PAX8: variants seen among roughly 807,000 people sequenced by gnomAD.
PAX8 encodes the protein paired box protein Pax-8.
A neutral mutation model predicts 52.4 loss-of-function variants in PAX8; 15 were observed. The ratio of observed to expected loss-of-function variants is 0.29; its 90% CI spans 0.19 to 0.44. The LOEUF is 0.44. PAX8 is among the 20% of genes least tolerant of loss of function. The pLI is 1.00. For synonymous variants in PAX8, 284 were observed against 249.7 expected (o/e 1.14, Z -1.29); for missense variants, 554 against 602.5 (o/e 0.92, Z 0.84).
intron 2 of PAX8, among the ~76,000 whole-genome samples, chr2:113,250,172 C>T (rs1190610146): frequency 6.8e-6 from 1 of 148,004 alleles, no homozygotes; most frequent in Admixed American, 7.0e-5. Flanking sequence ...GAGGCTGAGG[C>T]AGGAGAATGG....
At chr2:113,277,696 C>G (rs1177341107) in intron 2 of PAX8, among the ~76,000 whole-genome samples, 5 of 152,226 alleles carry the variant, frequency 3.3e-5, no homozygotes, top group African/African-American at 7.2e-5. Flanking sequence ...AAACAGGCAT[C>G]GCGGCCTGGG....
chr2:113,246,857 C>T lies in PAX8; in HGVS notation c.88G>A (p.Val30Ile), dbSNP rs765091370. The change falls in exon 3 of 12, where the codon GTC (valine) becomes ATC (isoleucine). Residue 30 changes from valine to isoleucine, a missense_variant. Val to Ile is a conservative substitution (Grantham distance 29). Coordinates refer to ENST00000429538, the MANE Select transcript of PAX8 (RefSeq NM_003466.4). Reference sequence around the variant, plus strand: ...GCCAGGTCTACGATGCGCTGGCGGACCACTTCCGGCAGAGGTCTGCCATTC... The same window carrying T: ...GCCAGGTCTACGATGCGCTGGCGGATCACTTCCGGCAGAGGTCTGCCATTC... Reference protein sequence around the residue: ...FVNGRPLPEVVRQRIVDLAHQ... With the variant: ...FVNGRPLPEVIRQRIVDLAHQ... The T allele has an allele frequency of 3.1e-6, 5 of 1,614,234 alleles. No homozygotes were observed. Among genetic ancestry groups the T allele is most frequent in the Non-Finnish European group, 4.2e-6 (5 of 1,180,016 alleles).
chr2:113,244,741 A>G, intron 3 of PAX8, 117 bp from the exon 4 acceptor site: 1 of 930,654 alleles, frequency 1.1e-6, no homozygotes, highest in Non-Finnish European at 1.7e-6. Flanking sequence ...TGAGAGTGAA[A>G]TGTGCCTCCA....
rs76678068 is a variant in PAX8 at position 113,220,305 on chromosome 2, C to T, written c.1190-127G>A. 3,829 of 706,712 alleles carry T rather than the reference C, an allele frequency of 5.4e-3. 111 individuals carry two copies. The African/African-American group carries it at 0.06, about 11-fold the overall frequency. 43.8% of individuals were successfully genotyped at this position (706,712 alleles called of 1,614,324 possible). On this transcript the variant is annotated intron_variant, in intron 10 of 11. Coordinates refer to ENST00000429538, the MANE Select transcript of PAX8 (RefSeq NM_003466.4). Reference sequence around the variant, plus strand: ...ATGGTTGGGGAGACAGTTGGAGCCACGGCAGGGACAATGGAGCTCAGAAGG... The same window carrying T: ...ATGGTTGGGGAGACAGTTGGAGCCATGGCAGGGACAATGGAGCTCAGAAGG...
intron 10 of PAX8, chr2:113,220,440 C>A: frequency 2.3e-6 from 1 of 431,376 alleles, no homozygotes; most frequent in Non-Finnish European, 4.2e-6. Flanking sequence ...TCCCAGGAGG[C>A]CCAGAAGGTA....
chr2:113,275,308 G>A (rs1340246366), intron 2 of PAX8: 2 of 152,098 alleles, frequency 1.3e-5, no homozygotes, highest in African/African-American at 4.8e-5. Flanking sequence ...GTGGAGGGTG[G>A]GGGGGAACCA....
intron 9 of PAX8, among the ~76,000 whole-genome samples, chr2:113,234,246 T>C (rs548712271): frequency 2.7e-4 from 41 of 152,338 alleles, no homozygotes; most frequent in Non-Finnish European, 4.4e-4. Flanking sequence ...TTTCACTGCA[T>C]CTCAGGCCCT....
intron 10 of PAX8, among the ~76,000 whole-genome samples, chr2:113,221,073 C>T (rs7578633): frequency 0.35 from 53,437 of 151,932 alleles, 9,523 homozygotes; most frequent in South Asian, 0.44. Flanking sequence ...ATCTTTTATT[C>T]TCAAGACTAC....
intron 3 of PAX8, among the ~76,000 whole-genome samples, chr2:113,244,907 C>G (rs1054176739): frequency 6.6e-6 from 1 of 152,166 alleles, no homozygotes; most frequent in African/African-American, 2.4e-5. Flanking sequence ...CTAGCATCTG[C>G]AACAGCCATT....
At chr2:113,238,493 T>G (rs1400138788) in intron 7 of PAX8, 1 of 152,658 alleles carries the variant, frequency 6.6e-6, no homozygotes, top group African/African-American at 2.4e-5. Context: ...TATAGCTATT[T>G]CAAAATCCAA....
chr2:113,242,243 G>A, intron 5 of PAX8, 113 bp from the exon 6 acceptor site: 1 of 849,438 alleles, frequency 1.2e-6, no homozygotes, highest in Non-Finnish European at 1.9e-6. Flanking sequence ...GGGGGAGAGG[G>A]AGAGGAGCAA....
intron 8 of PAX8, chr2:113,235,831 T>C (rs1186191996): frequency 9.9e-6 from 5 of 506,478 alleles, no homozygotes; most frequent in South Asian, 5.4e-5. Context: ...TGCGCCCGCC[T>C]CTCCCACAGG....
intron 2 of PAX8, chr2:113,274,345 G>A (rs1693664769): frequency 6.6e-6 from 1 of 152,038 alleles, no homozygotes; most frequent in Non-Finnish European, 1.5e-5. Flanking sequence ...GTATCCCTTG[G>A]TGGTTAGGGG....
intron 10 of PAX8, among the ~76,000 whole-genome samples, chr2:113,224,096 G>C (rs1476404394): frequency 6.6e-6 from 1 of 152,178 alleles, no homozygotes; most frequent in East Asian, 1.9e-4. Flanking sequence ...GTGGAAGAAT[G>C]GATGATGAAA....
intron 2 of PAX8, among the ~76,000 whole-genome samples, chr2:113,252,627 A>G (rs1012453794): frequency 3.3e-5 from 5 of 152,208 alleles, no homozygotes; most frequent in Admixed American, 3.3e-4. Flanking sequence ...AACTTGCTGC[A>G]TGACCCTTGG....
Position 113,242,740 on chromosome 2 carries a change from G to C in PAX8, c.428C>G (p.Pro143Arg), listed in dbSNP as rs768616094. ...RTKVQQPFNL[P>R]MDSCVATKSL... ...CTTGGTGGCCACGCAGCTGTCCATA[G>C]GGAGGTTGAATGGTTGCTGCACTTT... Residue 143 changes from proline (P) to arginine (R), a missense_variant, in exon 5 of 12, where the codon CCT becomes CGT. Physicochemically the swap from Pro to Arg is moderately radical, Grantham distance 103. Coordinates refer to ENST00000429538, the MANE Select transcript of PAX8 (RefSeq NM_003466.4). The C allele has an allele frequency of 6.2e-7, 1 of 1,613,976 alleles. No homozygotes were observed. Among genetic ancestry groups the C allele is most frequent in the Admixed American group, 1.7e-5 (1 of 60,006 alleles).
Position 113,241,730 on chromosome 2 carries a change from G to A in PAX8, c.602-4C>T. 6.2e-7 allele frequency: 1 copy of A among 1,613,962 alleles called. No homozygotes were observed. Among genetic ancestry groups the A allele is most frequent in the South Asian group, 1.1e-5 (1 of 91,068 alleles). On this transcript the variant is annotated splice_region_variant and splice_polypyrimidine_tract_variant and intron_variant, in intron 6 of 11. Coordinates refer to ENST00000429538, the MANE Select transcript of PAX8 (RefSeq NM_003466.4). ...AGTCGGCAGCTATCCTGATCACCTG[G>A]TACCCCCCGGGAAGGAAGAAAGCTT...
At chr2:113,264,830 G>A (rs1692942086) in intron 2 of PAX8, among the ~76,000 whole-genome samples, 1 of 152,206 alleles carries the variant, frequency 6.6e-6, no homozygotes, top group Admixed American at 6.5e-5. Flanking sequence ...GTGGGAGTGG[G>A]AAGGGTGTTC....
intron 2 of PAX8, among the ~76,000 whole-genome samples, chr2:113,254,249 C>T (rs139976559): frequency 2.0e-5 from 3 of 152,310 alleles, no homozygotes; most frequent in African/African-American, 7.2e-5. Flanking sequence ...GAACTGATTA[C>T]ATAGAATTGA....
Sources: allele counts gnomAD v4.1 joint callset (sites outside exome capture counted in the v4.1 genomes callset), GRCh38; gene constraint gnomAD v4.1.1; transcripts MANE v1.5; gene names NCBI Gene and HGNC (gene_info 2026-07-23, HGNC 2026-07-21).